VWDE: variants seen among roughly 807,000 people sequenced by gnomAD.
VWDE encodes the protein von Willebrand factor D and EGF domain-containing protein.
VWDE carries 207 observed loss-of-function variants against 178.4 expected under a neutral mutation model. The observed-to-expected ratio is 1.16, with a 90% CI of 1.04 to 1.30. The LOEUF (loss-of-function observed/expected upper bound fraction) is 1.30, where lower values mean the gene tolerates loss of function less well. VWDE is among the 50% of genes most tolerant of loss of function. VWDE has a pLI of 0.00. For synonymous variants in VWDE, 738 were observed against 651.4 expected, an observed-to-expected ratio of 1.13 and a Z score of -2.02; for missense variants, 2,287 against 1,901.3, an observed-to-expected ratio of 1.20 and a Z score of -3.77.
chr7:12,383,646 G>A (rs1403132982), intron 3 of VWDE, 45 bp from the exon 4 acceptor site: 2 of 1,451,366 alleles, frequency 1.4e-6, no homozygotes, highest in East Asian at 2.5e-5. Flanking sequence ...TGGGCATGAA[G>A]ATATACATCT....
At chr7:12,340,449 A>G (rs887559776) in intron 23 of VWDE, 32 bp from the exon 24 acceptor site, 3 of 1,481,880 alleles carry the variant, frequency 2.0e-6, no homozygotes, top group Non-Finnish European at 2.7e-6. Context: ...AGAGAACATA[A>G]AAGTTTTATT....
chr7:12,372,703 T>G (rs1783272632), intron 10 of VWDE, among the ~76,000 whole-genome samples: 1 of 152,114 alleles, frequency 6.6e-6, no homozygotes, highest in Non-Finnish European at 1.5e-5. Flanking sequence ...ATACTATTTA[T>G]TACACGTTGT....
At chr7:12,385,197 A>C (rs1212794058) in intron 3 of VWDE, among the ~76,000 whole-genome samples, 1 of 152,166 alleles carries the variant, frequency 6.6e-6, no homozygotes, top group African/African-American at 2.4e-5. Context: ...TGTGAGAATC[A>C]AAACGTCTTC....
In VWDE at chr7:12,403,667, C is replaced by CA; in HGVS notation, c.49dup (p.Trp17LeufsTer20). On this transcript the variant is annotated frameshift_variant, in exon 1 of 29. Transcript: ENST00000275358. LOFTEE classifies it high-confidence loss of function. The stretch of plus-strand genomic sequence containing the variant: ...CGCCCTACCTCGCTTACCTTCCCCC[C>CA]AGGCCAGGAACATCAGCGCGATCAC... The CA allele has an allele frequency of 6.5e-7, 1 of 1,545,602 alleles. No homozygotes were observed. Among genetic ancestry groups the CA allele is most frequent in the Non-Finnish European group, 8.7e-7 (1 of 1,145,978 alleles).
chr7:12,386,505 C>G (rs1226611081), intron 3 of VWDE, among the ~76,000 whole-genome samples: 6 of 152,184 alleles, frequency 3.9e-5, no homozygotes, highest in East Asian at 1.9e-4. Flanking sequence ...TTTCAAACCC[C>G]CATCTTGTTA....
At chr7:12,337,296 C>G in intron 24 of VWDE, 24 bp from the exon 25 acceptor site, 1 of 1,532,976 alleles carries the variant, frequency 6.5e-7, no homozygotes, top group African/African-American at 1.4e-5. Flanking sequence ...TGGCAGCAAT[C>G]TGTGAATATT....
chr7:12,351,396 A>G (rs1356144539), intron 19 of VWDE, among the ~76,000 whole-genome samples, 177 bp downstream of exon 19: 6 of 152,186 alleles, frequency 3.9e-5, no homozygotes, highest in Non-Finnish European at 8.8e-5. Flanking sequence ...TTTCTAAAAT[A>G]TAAGCCAGAT....
intron 21 of VWDE, among the ~76,000 whole-genome samples, 165 bp downstream of exon 21, chr7:12,344,030 T>G (rs1342344994): frequency 2.6e-5 from 4 of 152,114 alleles, no homozygotes; most frequent in Non-Finnish European, 2.9e-5. Flanking sequence ...AATCTTTGAA[T>G]AAATTATATT....
At chr7:12,374,974 G>T in intron 8 of VWDE, 36 bp downstream of exon 8, 2 of 1,515,392 alleles carry the variant, frequency 1.3e-6, no homozygotes, top group Non-Finnish European at 9.0e-7. Flanking sequence ...TCTTCTTAAA[G>T]CTTCACTTGC....
At chr7:12,342,669 C>CTAT (rs201508499) in intron 22 of VWDE, among the ~76,000 whole-genome samples, 2,390 of 150,858 alleles carry the variant, frequency 0.016, 56 homozygotes, top group African/African-American at 0.055. Flanking sequence ...TTTCCATTTT[C>CTAT]TATTATTATG....
chr7:12,379,606 T>C, intron 5 of VWDE, 40 bp from the exon 6 acceptor site: 1 of 1,442,648 alleles, frequency 6.9e-7, no homozygotes, highest in East Asian at 2.5e-5. Flanking sequence ...AGAAATTCAA[T>C]TTTGGAGAAA....
At chr7:12,372,350 C>T (rs978254314) in intron 10 of VWDE, among the ~76,000 whole-genome samples, 5 of 151,860 alleles carry the variant, frequency 3.3e-5, no homozygotes, top group Non-Finnish European at 4.4e-5. Flanking sequence ...AATGATTTTT[C>T]ACTTCAGTAA....
chr7:12,341,388 C>T (rs1781319928), intron 23 of VWDE, among the ~76,000 whole-genome samples: 1 of 152,102 alleles, frequency 6.6e-6, no homozygotes, highest in African/African-American at 2.4e-5. Context: ...AATCCCAGTA[C>T]TTTGAGAGGC....
At position 12,373,194 on chromosome 7, in the gene VWDE, C is replaced by G; in HGVS notation, c.1370G>C (p.Arg457Pro). Reference sequence around the variant, plus strand: ...CTGACGTACATGGACTTCAAAATCACGTGACATACTCTTATAAAGCACAAA... The same window carrying G: ...CTGACGTACATGGACTTCAAAATCAGGTGACATACTCTTATAAAGCACAAA... ...GTFVLYKSMS[R>P]DFEVHVRQWD... Residue 457 changes from arginine (R) to proline (P), a missense_variant, in exon 10 of 29, where the codon CGT becomes CCT. By Grantham distance (103) the Arg-to-Pro change is moderately radical. Transcript: ENST00000275358. 1 of 1,551,310 alleles carries G rather than the reference C, an allele frequency of 6.4e-7. No homozygotes were observed. The highest frequency in any genetic ancestry group is 8.7e-7 in the Non-Finnish European group (1 of 1,146,758).
At chr7:12,367,744 T>TTAATAA (rs138244356) in intron 12 of VWDE, among the ~76,000 whole-genome samples, 1 of 152,100 alleles carries the variant, frequency 6.6e-6, no homozygotes, top group Admixed American at 6.6e-5. Flanking sequence ...TCACTAATGT[T>TTAATAA]TAATAATATT....
intron 1 of VWDE, among the ~76,000 whole-genome samples, chr7:12,394,370 G>A (rs185761570): frequency 6.6e-6 from 1 of 152,232 alleles, no homozygotes; most frequent in East Asian, 1.9e-4. Flanking sequence ...ACTAAGCACA[G>A]GAAAACGAAT....
At chr7:12,340,720 A>T (rs1349736894) in intron 23 of VWDE, among the ~76,000 whole-genome samples, 2 of 152,224 alleles carry the variant, frequency 1.3e-5, no homozygotes, top group Admixed American at 1.3e-4. Flanking sequence ...TCAAGAATGT[A>T]GAGGCTATGA....
intron 3 of VWDE, among the ~76,000 whole-genome samples, chr7:12,384,679 A>C (rs147351679): frequency 6.6e-6 from 1 of 152,252 alleles, no homozygotes; most frequent in Non-Finnish European, 1.5e-5. Context: ...AGTTGGTTTT[A>C]TGCCAGTTCC....
chr7:12,374,546 T>C (rs1783402887), intron 9 of VWDE, 143 bp downstream of exon 9: 1 of 544,530 alleles, frequency 1.8e-6, no homozygotes, highest in Non-Finnish European at 3.2e-6. Flanking sequence ...AATAAACTAG[T>C]ATCTTGAAAC....
Sources: gnomAD v4.1 joint callset for allele counts (sites outside exome capture counted in the v4.1 genomes callset) on GRCh38, gnomAD v4.1.1 for gene constraint, MANE v1.5 for transcripts, NCBI Gene and HGNC (gene_info 2026-07-23, HGNC 2026-07-21) for gene names.